Variants in HTR1F observed in about 807,000 individuals in gnomAD.
HTR1F encodes 5-hydroxytryptamine receptor 1F.
HTR1F carries 17 observed loss-of-function variants against 24.0 expected under a neutral mutation model. The observed-to-expected ratio is 0.71, with a 90% confidence interval of 0.48 to 1.06. The LOEUF (loss-of-function observed/expected upper bound fraction) is 1.06. Among genes scored for constraint, HTR1F ranks in the 50% least tolerant of loss-of-function variants. The pLI is 0.00. For missense variants in HTR1F, 391 were observed against 427.8 expected (o/e 0.91, Z 0.76); for synonymous variants, 186 against 156.8 (o/e 1.19, Z -1.39).
chr3:87,854,007 A>C (rs1232291375), intron 2 of HTR1F, among the ~76,000 whole-genome samples: 1 of 151,954 alleles, frequency 6.6e-6, no homozygotes, highest in African/African-American at 2.4e-5. Context: ...AAAGCCAGTA[A>C]AATTTGGCTA....
rs1460041308 is a variant in HTR1F at position 87,990,796 on chromosome 3, T to G, written c.47T>G (p.Leu16Arg). 4.3e-6 allele frequency: 7 copies of G among 1,613,812 alleles called. No homozygotes were observed. Among genetic ancestry groups the G allele is most frequent in the Non-Finnish European group, 5.9e-6 (7 of 1,179,694 alleles). The change falls in exon 3 of 3, where the codon CTG becomes CGG. Residue 16 changes from leucine (L) to arginine (R), a missense_variant. Transcript: ENST00000319595. ...SSDQNLTSEE[L>R]LNRMPSKILV... ...GATCAAAACTTGACCTCAGAGGAACTGTTAAACAGAATGCCATCCAAAATT... is the reference window on the plus strand; with the variant it reads ...GATCAAAACTTGACCTCAGAGGAACGGTTAAACAGAATGCCATCCAAAATT...
At chr3:87,934,183 C>T (rs911317089) in intron 2 of HTR1F, among the ~76,000 whole-genome samples, 2 of 152,156 alleles carry the variant, frequency 1.3e-5, no homozygotes, top group Non-Finnish European at 2.9e-5. Context: ...ATCAAGAAAA[C>T]ACTAGTGAAG....
At chr3:87,926,058 T>C (rs1032954579) in intron 2 of HTR1F, among the ~76,000 whole-genome samples, 2 of 152,222 alleles carry the variant, frequency 1.3e-5, no homozygotes, top group African/African-American at 2.4e-5. Flanking sequence ...TAAAAGCAGA[T>C]ACATTTATTT....
intron 2 of HTR1F, among the ~76,000 whole-genome samples, chr3:87,826,668 C>T (rs1016879614): frequency 1.2e-4 from 18 of 152,166 alleles, no homozygotes; most frequent in African/African-American, 3.6e-4. Flanking sequence ...GATAACGTCT[C>T]TTTAAGCCTG....
chr3:87,856,845 C>A (rs1310677801), intron 2 of HTR1F, among the ~76,000 whole-genome samples: 1 of 152,034 alleles, frequency 6.6e-6, no homozygotes, highest in Non-Finnish European at 1.5e-5. Context: ...GGCATATAAC[C>A]TGTTTTTATA....
At chr3:87,840,467 T>C (rs1704777916) in intron 2 of HTR1F, among the ~76,000 whole-genome samples, 1 of 152,026 alleles carries the variant, frequency 6.6e-6, no homozygotes, top group South Asian at 2.1e-4. Flanking sequence ...CTTTATACTG[T>C]AGAGAAAAGG....
At chr3:87,956,395 A>G (rs1704944457) in intron 2 of HTR1F, among the ~76,000 whole-genome samples, 1 of 151,386 alleles carries the variant, frequency 6.6e-6, no homozygotes, top group Non-Finnish European at 1.5e-5. Context: ...CTGTTCACCA[A>G]TACCACACTG....
chr3:87,808,146 A>G (rs1704102708), intron 1 of HTR1F, among the ~76,000 whole-genome samples: 1 of 152,006 alleles, frequency 6.6e-6, no homozygotes, highest in Admixed American at 6.6e-5. Flanking sequence ...TAAGTTAGGT[A>G]GAATTTTCTC....
intron 2 of HTR1F, among the ~76,000 whole-genome samples, chr3:87,929,228 C>A (rs757261908): frequency 3.3e-5 from 5 of 152,084 alleles, no homozygotes; most frequent in Non-Finnish European, 5.9e-5. Context: ...GCACATGGCA[C>A]CTGGCATGTC....
intron 2 of HTR1F, among the ~76,000 whole-genome samples, chr3:87,913,037 T>G (rs1703815689): frequency 6.6e-6 from 1 of 152,084 alleles, no homozygotes; most frequent in South Asian, 2.1e-4. Context: ...AGGCAAATAT[T>G]TTATGATGAA....
intron 2 of HTR1F, among the ~76,000 whole-genome samples, chr3:87,953,952 T>A (rs1357328609): frequency 6.6e-6 from 1 of 151,782 alleles, no homozygotes; most frequent in Non-Finnish European, 1.5e-5. Context: ...CAAATGTCAA[T>A]GTTCTAACTT....
chr3:87,939,998 T>C (rs1320608430), intron 2 of HTR1F, among the ~76,000 whole-genome samples: 2 of 152,252 alleles, frequency 1.3e-5, no homozygotes, highest in Admixed American at 6.5e-5. Flanking sequence ...CCTGTGAGCA[T>C]GTAGTGCTAT....
chr3:87,946,105 C>T (rs895246250), intron 2 of HTR1F, among the ~76,000 whole-genome samples: 1 of 152,202 alleles, frequency 6.6e-6, no homozygotes, highest in African/African-American at 2.4e-5. Context: ...TGAACCCAGG[C>T]ACTTAGCCAT....
In HTR1F at chr3:87,990,541, T is replaced by G. The variant is rs142505301; in HGVS notation, c.-42-167T>G. On this transcript the variant is annotated intron_variant, in intron 2 of 2. Coordinates refer to ENST00000319595, the MANE Select transcript of HTR1F (RefSeq NM_001322209.2). ...GGCTTTTTTTACTGTTCTCATTAAA[T>G]TTCTTAAATAAAAAGGAAAACTAAA... Among the ~76,000 whole-genome samples, 24 of 152,322 alleles carry G rather than the reference T, an allele frequency of 1.6e-4. No individual in the cohort carries two copies. The East Asian group carries it at 4.6e-3, about 29-fold the overall frequency.
intron 2 of HTR1F, among the ~76,000 whole-genome samples, chr3:87,823,500 T>C (rs575761698): frequency 1.6e-4 from 24 of 149,690 alleles, no homozygotes; most frequent in African/African-American, 4.5e-4. Flanking sequence ...ACTCAGGTTT[T>C]CTCAACTGGT....
At chr3:87,977,547 C>T (rs1485499182) in intron 2 of HTR1F, among the ~76,000 whole-genome samples, 3 of 151,332 alleles carry the variant, frequency 2.0e-5, no homozygotes, top group Admixed American at 6.6e-5. Context: ...TACAGGCACC[C>T]GCCAGCACGC....
chr3:87,960,049 C>T (rs1705027906), intron 2 of HTR1F, among the ~76,000 whole-genome samples: 1 of 151,818 alleles, frequency 6.6e-6, no homozygotes, highest in African/African-American at 2.4e-5. Flanking sequence ...CCTTAAAAAA[C>T]AATAATTCTC....
intron 2 of HTR1F, among the ~76,000 whole-genome samples, chr3:87,966,094 G>A (rs1449119808): frequency 6.6e-6 from 1 of 152,122 alleles, no homozygotes; most frequent in Non-Finnish European, 1.5e-5. Context: ...CAGTTTGCAG[G>A]CTGGGAAGTC....
At chr3:87,828,228 C>G (rs1704504414) in intron 2 of HTR1F, among the ~76,000 whole-genome samples, 1 of 152,110 alleles carries the variant, frequency 6.6e-6, no homozygotes, top group Non-Finnish European at 1.5e-5. Context: ...TTTCAAAAAC[C>G]CACTTTGTAA....
Sources: allele counts gnomAD v4.1 joint callset (sites outside exome capture counted in the v4.1 genomes callset), GRCh38; gene constraint gnomAD v4.1.1; transcripts MANE v1.5; gene names NCBI Gene and HGNC (gene_info 2026-07-23, HGNC 2026-07-21).